The following SMARCA1 variants were observed in gnomAD, a reference collection of about 807,000 sequenced individuals.
SMARCA1 encodes the protein SWI/SNF-related matrix-associated actin-dependent regulator of chromatin subfamily A member 1.
A neutral mutation model predicts 93.6 loss-of-function variants in SMARCA1; 17 were observed. That is an observed-to-expected ratio of 0.18 (90% CI 0.12 to 0.27). SMARCA1 has a LOEUF of 0.27. SMARCA1 is among the 10% of genes least tolerant of loss of function. The pLI is 1.00. For missense variants in SMARCA1, 630 were observed against 819.0 expected, an observed-to-expected ratio of 0.77 and a Z score of 2.82; for synonymous variants, 271 against 271.4, an observed-to-expected ratio of 1.00 and a Z score of 0.01.
chrX:129,476,916 C>A (rs910007340), intron 19 of SMARCA1, among the ~76,000 whole-genome samples: 1 of 111,900 alleles, frequency 8.9e-6, no homozygotes, highest in Non-Finnish European at 1.9e-5. Flanking sequence ...ATTAAAGAAC[C>A]CACCTTAGCT....
intron 12 of SMARCA1, among the ~76,000 whole-genome samples, chrX:129,495,123 G>A (rs1378408970): frequency 8.9e-6 from 1 of 112,200 alleles, no homozygotes; most frequent in Admixed American, 9.4e-5. Context: ...GTGTGTGTGC[G>A]AGCATGCCCT....
rs780225300 is a variant in SMARCA1, at chrX:129,504,549, T to TAAAAAAAAAAAAAAAAAAAAA, written c.1167+164_1167+184dup. 1.2e-4 allele frequency among the ~76,000 whole-genome samples: 3 copies of TAAAAAAAAAAAAAAAAAAAAA among 24,205 alleles called. 1 individual carries two copies. The highest frequency in any genetic ancestry group is 4.3e-4 in the African/African-American group (3 of 7,007). The allele number at this position is 24,205 out of a possible 115,157, so 21.0% of individuals were successfully genotyped here. A position where few individuals can be genotyped will look rare whatever the true frequency, so the allele number is the denominator to read the frequency against. On this transcript the variant is annotated intron_variant, in intron 9 of 24. Coordinates refer to ENST00000371121, the MANE Select transcript of SMARCA1 (RefSeq NM_001282874.2). ...GAGAGAGGCTGAGGACATAGAGGAA[T>TAAAAAAAAAAAAAAAAAAAAA]AAAAAAAAAAAAAAAAAAAAAAAAA...
At position 129,491,886 on chromosome X, in the gene SMARCA1, T is replaced by C. The variant is rs574695107; in HGVS notation, c.1815+55A>G. The C allele has an allele frequency of 5.8e-5, 50 of 864,147 alleles. 1 individual carries two copies. In the South Asian group the frequency reaches 1.3e-3, roughly 22 times the overall value. The allele number at this position is 864,147 out of a possible 1,213,427, so 71.2% of individuals were successfully genotyped here. A position where few individuals can be genotyped will look rare whatever the true frequency, so the allele number is the denominator to read the frequency against. ...CATAAATGACCTTTATGTGTGTAAA[T>C]AGCAATAGTATTCAGAGCTATGATA... On this transcript the variant is annotated intron_variant, in intron 14 of 24. Transcript: ENST00000371121.
intron 5 of SMARCA1, among the ~76,000 whole-genome samples, chrX:129,514,779 G>T (rs927875230): frequency 7.2e-5 from 8 of 111,869 alleles, no homozygotes; most frequent in Non-Finnish European, 1.1e-4. Flanking sequence ...CAGGGTGGGG[G>T]TGGCTCACAC....
At chrX:129,452,602 A>G (rs1487415932) in intron 23 of SMARCA1, among the ~76,000 whole-genome samples, 2 of 112,306 alleles carry the variant, frequency 1.8e-5, no homozygotes, top group Non-Finnish European at 3.8e-5. Flanking sequence ...GAATGGCAGG[A>G]TTCAGTATAA....
At chrX:129,505,101 CAA>C (rs1934761516) in intron 8 of SMARCA1, among the ~76,000 whole-genome samples, 1 of 111,479 alleles carries the variant, frequency 9.0e-6, no homozygotes, top group South Asian at 3.7e-4. Flanking sequence ...AATATAAAAT[CAA>C]AGACATAATG....
At chrX:129,490,427 A>T (rs1253690885) in intron 14 of SMARCA1, among the ~76,000 whole-genome samples, 1 of 112,121 alleles carries the variant, frequency 8.9e-6, no homozygotes, top group Non-Finnish European at 1.9e-5. Context: ...AGCACCTGTA[A>T]GATGAATAAA....
At chrX:129,498,961 T>C (rs1934446646) in intron 10 of SMARCA1, among the ~76,000 whole-genome samples, 1 of 111,913 alleles carries the variant, frequency 8.9e-6, no homozygotes, top group Non-Finnish European at 1.9e-5. Flanking sequence ...GATTCTATTT[T>C]TGTAATATCC....
intron 20 of SMARCA1, among the ~76,000 whole-genome samples, chrX:129,469,858 A>G (rs1419513667): frequency 8.9e-6 from 1 of 112,305 alleles, no homozygotes. Flanking sequence ...TTCTAAAGCC[A>G]TAACTTTACT....
chrX:129,503,369 T>C (rs1413934979), intron 9 of SMARCA1, among the ~76,000 whole-genome samples: 1 of 111,969 alleles, frequency 8.9e-6, no homozygotes, highest in East Asian at 2.8e-4. Context: ...AGAAGCAAAA[T>C]TGAAGCCCAG....
chrX:129,502,371 G>A (rs1934602255), intron 9 of SMARCA1, among the ~76,000 whole-genome samples: 1 of 111,337 alleles, frequency 9.0e-6, no homozygotes, highest in African/African-American at 3.3e-5. Context: ...ACTGATAGGG[G>A]TGGACAAAGG....
intron 6 of SMARCA1, among the ~76,000 whole-genome samples, chrX:129,510,611 G>A (rs1934988357): frequency 8.9e-6 from 1 of 111,911 alleles, no homozygotes; most frequent in Admixed American, 9.5e-5. Context: ...CAGAATCCCA[G>A]CCTCCCCAGG....
intron 19 of SMARCA1, among the ~76,000 whole-genome samples, chrX:129,476,938 T>G (rs1933412271): frequency 8.9e-6 from 1 of 111,936 alleles, no homozygotes; most frequent in South Asian, 3.8e-4. Flanking sequence ...AGGTCCATAG[T>G]TCCTAGTAAA....
chrX:129,454,626 C>T (rs988343277), intron 23 of SMARCA1, among the ~76,000 whole-genome samples: 17 of 111,341 alleles, frequency 1.5e-4, no homozygotes, highest in Non-Finnish European at 1.5e-4. Flanking sequence ...AAAAAGTGGG[C>T]GAAGGATATG....
At chrX:129,454,904 A>G (rs7881031) in intron 23 of SMARCA1, among the ~76,000 whole-genome samples, 2,035 of 111,890 alleles carry the variant, frequency 0.018, 58 homozygotes, top group African/African-American at 0.062. Flanking sequence ...ACCACAATGA[A>G]ACACCATCTC....
rs1308102750 is a variant in SMARCA1 at position 129,504,565 on chromosome X, AAAAAAAAAAAAAAAAAC to A, written c.1167+152_1167+168del. ...ATAGAGGAATAAAAAAAAAAAAAAA[AAAAAAAAAAAAAAAAAC>A]AAAGAGGCTGTCAGAAAGGTTAGGA... On this transcript the variant is annotated intron_variant, in intron 9 of 24. Coordinates refer to ENST00000371121, the MANE Select transcript of SMARCA1 (RefSeq NM_001282874.2). Among the ~76,000 whole-genome samples, 604 of 98,021 alleles carry A rather than the reference AAAAAAAAAAAAAAAAAC, an allele frequency of 6.2e-3. 6 individuals carry two copies. The highest frequency in any genetic ancestry group is 0.024 in the African/African-American group (576 of 24,057). The allele number at this position is 98,021 out of a possible 115,157, so 85.1% of individuals were successfully genotyped here.
chrX:129,451,006 A>T (rs936257473), intron 23 of SMARCA1, among the ~76,000 whole-genome samples: 5 of 112,101 alleles, frequency 4.5e-5, no homozygotes, highest in African/African-American at 1.6e-4. Flanking sequence ...GGAGGCAGAA[A>T]ACCAGAGTCT....
intron 1 of SMARCA1, among the ~76,000 whole-genome samples, chrX:129,519,080 T>C (rs1935302476): frequency 2.7e-5 from 3 of 112,184 alleles, no homozygotes; most frequent in African/African-American, 9.7e-5. Context: ...ACTATTTATA[T>C]TGCATAAACA....
At chrX:129,520,496 C>G (rs997101113) in intron 1 of SMARCA1, among the ~76,000 whole-genome samples, 2 of 111,051 alleles carry the variant, frequency 1.8e-5, no homozygotes, top group Admixed American at 9.6e-5. Flanking sequence ...ATTCAGAAAC[C>G]TATTTTCTTT....
Sources: gnomAD v4.1 joint callset for allele counts (sites outside exome capture counted in the v4.1 genomes callset) on GRCh38, gnomAD v4.1.1 for gene constraint, MANE v1.5 for transcripts, NCBI Gene and HGNC (gene_info 2026-07-23, HGNC 2026-07-21) for gene names.